TAF6: variants seen among roughly 807,000 people sequenced by gnomAD.
TAF6 encodes TATA-box binding protein associated factor 6.
TAF6 carries 50 observed loss-of-function variants against 73.5 expected under a neutral mutation model. That is an observed-to-expected ratio of 0.68 (90% CI 0.54 to 0.86). The LOEUF (loss-of-function observed/expected upper bound fraction) is 0.86, where lower values mean the gene tolerates loss of function less well. Among genes scored for constraint, TAF6 ranks in the 40% least tolerant of loss-of-function variants. The pLI, the probability that TAF6 is intolerant of heterozygous loss-of-function variation, is 0.00. For missense variants in TAF6, 768 were observed against 899.5 expected, an observed-to-expected ratio of 0.85 and a Z score of 1.87; for synonymous variants, 424 against 376.7, an observed-to-expected ratio of 1.13 and a Z score of -1.45.
chr7:100,113,748 G>A lies in TAF6; in HGVS notation c.265C>T (p.Gln89Ter), dbSNP rs1251968907. 4 of 1,613,918 alleles carry A rather than the reference G, an allele frequency of 2.5e-6. No homozygotes were observed. The highest frequency in any genetic ancestry group is 3.4e-6 in the Non-Finnish European group (4 of 1,179,996). The change falls in exon 4 of 15, where the codon CAG becomes TAG. Residue 89 changes from glutamine to a stop codon, truncating the protein, a stop_gained. Transcript: ENST00000453269. LOFTEE classifies it high-confidence loss of function. ...NVEPLYGFHAQEFIPFRFASG... is the reference protein window; with the variant it reads ...NVEPLYGFHA Reference sequence around the variant, plus strand: ...GCGAAGCGGAAAGGAATGAACTCCTGGGCGTGGAAGCCATAGAGTGGCTGT... The same window carrying A: ...GCGAAGCGGAAAGGAATGAACTCCTAGGCGTGGAAGCCATAGAGTGGCTGT...
At chr7:100,114,324 G>A (rs753618248) in intron 1 of TAF6, 56 bp from the exon 2 acceptor site, 13 of 1,544,598 alleles carry the variant, frequency 8.4e-6, no homozygotes, top group South Asian at 4.5e-5. Context: ...CAGGGAGAGG[G>A]CCAACAAAGG....
Position 100,112,101 on chromosome 7 carries a change from C to T in TAF6, c.720+7G>A. 2 of 1,613,406 alleles carry T rather than the reference C, an allele frequency of 1.2e-6. No individual in the cohort carries two copies. Among genetic ancestry groups the T allele is most frequent in the African/African-American group, 2.7e-5 (2 of 75,060 alleles). On this transcript the variant is annotated splice_region_variant and intron_variant, in intron 7 of 14. Transcript: ENST00000453269. ...TCAGGGCCAGGGCAAGCTGGTGGGGCCCTCACCGCCCTCTTGGCCTCGCAG... is the reference window on the plus strand; with the variant it reads ...TCAGGGCCAGGGCAAGCTGGTGGGGTCCTCACCGCCCTCTTGGCCTCGCAG...
chr7:100,120,030 G>T (rs1797983970), upstream of TAF6: 1 of 557,324 alleles, frequency 1.8e-6, no homozygotes, highest in African/African-American at 1.9e-5. Flanking sequence ...CGAACGTGTA[G>T]TGCCACCTCA....
chr7:100,122,545 G>A (rs751483119), upstream of TAF6: 33 of 1,613,076 alleles, frequency 2.0e-5, no homozygotes, highest in African/African-American at 2.7e-5. Context: ...TAGTGTTCAC[G>A]CTGAGCGCAA....
upstream of TAF6, among the ~76,000 whole-genome samples, chr7:100,123,995 G>A (rs1798151000): frequency 6.6e-6 from 1 of 152,026 alleles, no homozygotes; most frequent in Non-Finnish European, 1.5e-5. Context: ...CGGGCGTGGT[G>A]GTGTGGTGGC....
At chr7:100,122,049 GAAAAAAAA>G, upstream of TAF6, 1 of 313,820 alleles carries the variant, frequency 3.2e-6, no homozygotes, top group Non-Finnish European at 5.7e-6. Context: ...GAGTCCGTCT[GAAAAAAAA>G]AAAAAAAAAG....
At chr7:100,124,416 G>A, upstream of TAF6, 1 of 896,644 alleles carries the variant, frequency 1.1e-6, no homozygotes. Context: ...CTGGCTACCT[G>A]CCTCTCCAAA....
intron 1 of TAF6, chr7:100,118,589 GGAGGCTGCAGT>G (rs1797875643): frequency 6.6e-6 from 1 of 152,084 alleles, no homozygotes; most frequent in Non-Finnish European, 1.5e-5. Flanking sequence ...CTGAGGAGTT[GGAGGCTGCAGT>G]GAGCCAAGAT....
At chr7:100,124,341 T>C (rs974445843), upstream of TAF6, 9 of 580,368 alleles carry the variant, frequency 1.6e-5, no homozygotes, top group East Asian at 1.4e-4. Context: ...CTTGGCAGAA[T>C]AGGTGCTGGT....
rs200734823 is a variant in TAF6 at position 100,110,110 on chromosome 7, G to T, written c.1159-37C>A. The T allele has an allele frequency of 1.7e-4, 271 of 1,613,952 alleles. 1 individual carries two copies. The East Asian group carries it at 4.4e-3, about 26-fold the overall frequency. On this transcript the variant is annotated intron_variant, in intron 11 of 14. Transcript: ENST00000453269. ...GAAAAGGACAAGCAAAAGCCGGAGG[G>T]TCACCAGGGTCTCCCAGATGGGGGT... is the stretch of plus-strand genomic sequence containing the variant.
rs750972784 is a variant in TAF6, at chr7:100,107,530, A to G, written c.1750T>C (p.Leu584=). 8.1e-6 allele frequency: 13 copies of G among 1,613,834 alleles called. No homozygotes were observed. The African/African-American group carries it at 1.2e-4, about 15-fold the overall frequency. The change falls in exon 15 of 15, where the codon TTG becomes CTG. Residue 584 remains leucine (L), a synonymous_variant. Coordinates refer to ENST00000453269, the MANE Select transcript of TAF6 (RefSeq NM_139315.3). ...GGTGCGGTGGTGGCGGTGGAGACCA[A>G]CTTGACGATGGGCTGCACGCTGGGG... The part of the protein sequence containing the change: ...TVPSVQPIVK[L]VSTATTAPPS...
intron 1 of TAF6, among the ~76,000 whole-genome samples, chr7:100,114,992 G>T (rs548467821): frequency 6.6e-6 from 1 of 152,114 alleles, no homozygotes; most frequent in Non-Finnish European, 1.5e-5. Context: ...AAGTAGCTGG[G>T]ACTATAGGTG....
chr7:100,107,136 A>G lies in TAF6; in HGVS notation c.*110T>C, dbSNP rs964773515. The G allele has an allele frequency of 1.0e-5, 15 of 1,439,560 alleles. No individual in the cohort carries two copies. The highest frequency in any genetic ancestry group is 2.8e-5 in the South Asian group (2 of 71,658). 89.2% of individuals were successfully genotyped at this position (1,439,560 alleles called of 1,614,324 possible). A position where few individuals can be genotyped will look rare whatever the true frequency, so the allele number is the denominator to read the frequency against. On this transcript the variant is annotated 3_prime_UTR_variant, in exon 15 of 15. Transcript: ENST00000453269. ...GTACAATATCTAAAAAGAAAGTGAC[A>G]TGAAGGAAGCAATCTACAACTTCCT... is the stretch of plus-strand genomic sequence containing the variant.
chr7:100,110,215 A>C lies in TAF6; in HGVS notation c.1143T>G (p.Ala381=). 1.2e-6 allele frequency: 2 copies of C among 1,614,112 alleles called. No homozygotes were observed. Among genetic ancestry groups the C allele is most frequent in the Non-Finnish European group, 1.7e-6 (2 of 1,179,994 alleles). ...TTRYGSIAGL[A]ELGHDVIKTL... ...GAGGCCTAACATCGTGTCCCAGCTC[A>C]GCCAAGCCTGCGATGGAGCCATAAC... Residue 381 remains alanine, a synonymous_variant, in exon 11 of 15, where the codon GCT becomes GCG. Transcript: ENST00000453269.
chr7:100,110,284 G>A lies in TAF6; in HGVS notation c.1084-10C>T, dbSNP rs950526090. 2 of 1,613,834 alleles carry A rather than the reference G, an allele frequency of 1.2e-6. No individual in the cohort carries two copies. Among genetic ancestry groups the A allele is most frequent in the African/African-American group, 1.3e-5 (1 of 74,922 alleles). The stretch of plus-strand genomic sequence containing the variant: ...TCTCGTCCACCCAGCTCTGTAAGGG[G>A]AAGGAAATAAACTAAGATGAAGGGG... On this transcript the variant is annotated splice_polypyrimidine_tract_variant and intron_variant, in intron 10 of 14. Transcript: ENST00000453269.
At position 100,114,083 on chromosome 7, in the gene TAF6, C is replaced by A; in HGVS notation, c.127G>T (p.Val43Phe). The A allele has an allele frequency of 6.2e-7, 1 of 1,614,184 alleles. No individual in the cohort carries two copies. The highest frequency in any genetic ancestry group is 8.5e-7 in the Non-Finnish European group (1 of 1,180,038). Reference sequence around the variant, plus strand: ...GCGATCTCTTTGATGCGGTAGCTGACCTCATCCGTTAGCAGCTGGCAGGTC... The same window carrying A: ...GCGATCTCTTTGATGCGGTAGCTGAACTCATCCGTTAGCAGCTGGCAGGTC... The part of the protein sequence containing the change: ...EETCQLLTDE[V>F]SYRIKEIAQD... The change falls in exon 2 of 15, where the codon GTC (valine) becomes TTC (phenylalanine). Residue 43 changes from valine (V) to phenylalanine (F), a missense_variant. Transcript: ENST00000453269.
chr7:100,119,175 G>T (rs1797929452), intron 1 of TAF6, 29 bp downstream of exon 1: 1 of 987,784 alleles, frequency 1.0e-6, no homozygotes. Context: ...CACACACGGG[G>T]TCCCCACGAG....
upstream of TAF6, chr7:100,124,695 A>T: frequency 6.2e-7 from 1 of 1,613,402 alleles, no homozygotes; most frequent in Non-Finnish European, 8.5e-7. Flanking sequence ...CAGGACTAAT[A>T]TCTAAATTGT....
At chr7:100,119,820 G>C, upstream of TAF6, 7 of 1,614,092 alleles carry the variant, frequency 4.3e-6, no homozygotes, top group Non-Finnish European at 5.1e-6. Flanking sequence ...GATGTTGAAG[G>C]AGGAGGACGA....
Sources: allele counts gnomAD v4.1 joint callset (sites outside exome capture counted in the v4.1 genomes callset), GRCh38; gene constraint gnomAD v4.1.1; transcripts MANE v1.5; gene names NCBI Gene and HGNC (gene_info 2026-07-23, HGNC 2026-07-21).